The following NECAB2 variants were observed in gnomAD, a reference collection of about 807,000 sequenced individuals.
NECAB2 encodes N-terminal EF-hand calcium binding protein 2, also known as N-terminal EF-hand calcium-binding protein 2.
A neutral mutation model predicts 51.9 loss-of-function variants in NECAB2; 68 were observed. That is an observed-to-expected ratio of 1.31 (90% CI 1.08 to 1.60). NECAB2 has a LOEUF of 1.60. Ranked by LOEUF, NECAB2 falls within the 40% of genes most tolerant of loss-of-function variation. The pLI, the probability that NECAB2 is intolerant of heterozygous loss-of-function variation, is 0.00. For missense variants in NECAB2, 854 were observed against 490.3 expected, an observed-to-expected ratio of 1.74 and a Z score of -7.00; for synonymous variants, 329 against 203.5, an observed-to-expected ratio of 1.62 and a Z score of -5.25.
At chr16:83,998,595 C>T (rs1348978847) in intron 10 of NECAB2, among the ~76,000 whole-genome samples, 1 of 152,182 alleles carries the variant, frequency 6.6e-6, no homozygotes, top group Non-Finnish European at 1.5e-5. Context: ...AGTGCATATA[C>T]AATCAAGTGT....
At chr16:83,982,759 G>A (rs1411997608) in intron 5 of NECAB2, among the ~76,000 whole-genome samples, 1 of 152,204 alleles carries the variant, frequency 6.6e-6, no homozygotes, top group African/African-American at 2.4e-5. Context: ...TGGAAGTCAT[G>A]TGCGTATGAT....
At chr16:83,995,602 C>T (rs959922402) in intron 8 of NECAB2, among the ~76,000 whole-genome samples, 1 of 152,206 alleles carries the variant, frequency 6.6e-6, no homozygotes, top group Admixed American at 6.5e-5. Context: ...TAACTGAGCT[C>T]TCAGAACCCT....
Position 83,998,208 on chromosome 16 carries a change from C to T in NECAB2, c.853C>T (p.Leu285=). 1.2e-6 allele frequency: 2 copies of T among 1,609,196 alleles called. No homozygotes were observed. The highest frequency in any genetic ancestry group is 2.2e-5 in the East Asian group (1 of 44,862). ...TGACTCCTGCTGTGCCCGGCAGCACCTGCAGCTGGTCCGGCAGGAGATGGC... is the reference window on the plus strand; with the variant it reads ...TGACTCCTGCTGTGCCCGGCAGCACTTGCAGCTGGTCCGGCAGGAGATGGC... ...LSDEDGTNMH[L]QLVRQEMAVC... Residue 285 remains leucine (L), a synonymous_variant, in exon 10 of 13, where the codon CTG becomes TTG. Transcript: ENST00000305202.
upstream of NECAB2, chr16:83,965,643 G>T (rs760509988): frequency 2.5e-6 from 4 of 1,613,382 alleles, no homozygotes; most frequent in South Asian, 2.2e-5. Context: ...CCCTATGAGG[G>T]TTACCGCAGC....
chr16:83,970,087 A>T (rs2068274480), intron 1 of NECAB2, among the ~76,000 whole-genome samples: 1 of 152,168 alleles, frequency 6.6e-6, no homozygotes, highest in Non-Finnish European at 1.5e-5. Context: ...CAGAGCTCCC[A>T]CTGAAAGTCC....
chr16:83,967,470 ATGGGAGGGAGGGGGG>A, upstream of NECAB2, among the ~76,000 whole-genome samples: 1 of 5,008 alleles, frequency 2.0e-4, no homozygotes, highest in Non-Finnish European at 3.8e-4. Context: ...GGATGGATGG[ATGGGAGGGAGGGGGG>A]TGGGTGGGTG....
intron 6 of NECAB2, among the ~76,000 whole-genome samples, chr16:83,993,792 G>A (rs1375435383): frequency 6.6e-6 from 1 of 152,114 alleles, no homozygotes; most frequent in Admixed American, 6.5e-5. Flanking sequence ...CAGGATCACA[G>A]TTTCTGTCCT....
chr16:83,974,413 T>G (rs1398548773), intron 2 of NECAB2, among the ~76,000 whole-genome samples: 2 of 152,192 alleles, frequency 1.3e-5, no homozygotes, highest in Non-Finnish European at 2.9e-5. Context: ...AAGTCCCCGC[T>G]GCTCTGCCTC....
intron 6 of NECAB2, among the ~76,000 whole-genome samples, chr16:83,993,815 C>T (rs1334380355): frequency 6.6e-6 from 1 of 152,148 alleles, no homozygotes; most frequent in Non-Finnish European, 1.5e-5. Context: ...TACATCCCGA[C>T]TGTCAGTGTC....
chr16:84,000,199 G>C (rs1366344285), intron 10 of NECAB2, among the ~76,000 whole-genome samples: 3 of 152,176 alleles, frequency 2.0e-5, no homozygotes, highest in Non-Finnish European at 4.4e-5. Context: ...ATCACATCCA[G>C]CCACCTGGTT....
At position 84,000,667 on chromosome 16, in the gene NECAB2, ACTGAGGTGGCCTTGGTTGAGCTCCAGC is replaced by A. The variant is rs1341028178; in HGVS notation, c.963-54_963-28del. On this transcript the variant is annotated intron_variant, in intron 10 of 12. Transcript: ENST00000305202. Reference sequence around the variant, plus strand: ...TCTCAGGCCACCCCAGGGGAACAGCACTGAGGTGGCCTTGGTTGAGCTCCAGCCTCCTCCCCCCGACCATCTCCTGTT... The same window carrying A: ...TCTCAGGCCACCCCAGGGGAACAGCACTCCTCCCCCCGACCATCTCCTGTT... 6 of 1,493,920 alleles carry A rather than the reference ACTGAGGTGGCCTTGGTTGAGCTCCAGC, an allele frequency of 4.0e-6. No individual in the cohort carries two copies. In the African/African-American group the frequency reaches 8.2e-5, roughly 21 times the overall value. The allele number at this position is 1,493,920 out of a possible 1,614,324, so 92.5% of individuals were successfully genotyped here.
intron 10 of NECAB2, among the ~76,000 whole-genome samples, chr16:83,998,801 T>TCTCCCACTC (rs1555549550): frequency 2.6e-5 from 4 of 151,706 alleles, no homozygotes; most frequent in African/African-American, 7.3e-5. Flanking sequence ...TAGTTGCCCT[T>TCTCCCACTC]CTCCCCCTGA....
chr16:83,991,162 T>C lies in NECAB2; in HGVS notation c.596+532T>C, dbSNP rs547795786. 1.3e-4 allele frequency among the ~76,000 whole-genome samples: 20 copies of C among 152,090 alleles called. No homozygotes were observed. The East Asian group carries it at 3.5e-3, about 27-fold the overall frequency. On this transcript the variant is annotated intron_variant, in intron 6 of 12. Transcript: ENST00000305202. Reference sequence around the variant, plus strand: ...CATGCCTGGCTGATTTTTGTATTTTTAGTAGAGACGGGGTTTTGTCATGTT... The same window carrying C: ...CATGCCTGGCTGATTTTTGTATTTTCAGTAGAGACGGGGTTTTGTCATGTT...
At chr16:83,993,689 G>A (rs1355351597) in intron 6 of NECAB2, 4 of 152,032 alleles carry the variant, frequency 2.6e-5, no homozygotes, top group Non-Finnish European at 5.6e-5. Context: ...CCTGTGGCTA[G>A]CTGTGCCTGT....
intron 2 of NECAB2, among the ~76,000 whole-genome samples, chr16:83,972,944 C>T (rs2151084857): frequency 6.6e-6 from 1 of 152,316 alleles, no homozygotes; most frequent in Admixed American, 6.5e-5. Flanking sequence ...CGCAACTCAC[C>T]GTGGACTTGA....
At chr16:83,990,728 TG>T in intron 6 of NECAB2, 98 bp downstream of exon 6, 1 of 1,488,806 alleles carries the variant, frequency 6.7e-7, no homozygotes, top group Non-Finnish European at 9.0e-7. Context: ...ACCTAAGAGC[TG>T]GGTGACCTTG....
At chr16:83,973,083 A>G (rs890778499) in intron 2 of NECAB2, among the ~76,000 whole-genome samples, 1 of 152,190 alleles carries the variant, frequency 6.6e-6, no homozygotes, top group African/African-American at 2.4e-5. Context: ...AAATGTTTTT[A>G]AAGAGAATCG....
chr16:84,002,237 T>C, intron 12 of NECAB2, 81 bp from the exon 13 acceptor site: 1 of 1,531,320 alleles, frequency 6.5e-7, no homozygotes, highest in Admixed American at 1.7e-5. Flanking sequence ...TCCCCCGACC[T>C]GTCATTCAAG....
chr16:83,989,083 AT>A (rs1463090585), intron 5 of NECAB2, among the ~76,000 whole-genome samples: 1 of 152,086 alleles, frequency 6.6e-6, no homozygotes. Context: ...ACTTCAGCCC[AT>A]TTTTCTGCTG....
Sources: allele counts gnomAD v4.1 joint callset (sites outside exome capture counted in the v4.1 genomes callset), GRCh38; gene constraint gnomAD v4.1.1; transcripts MANE v1.5; gene names NCBI Gene and HGNC (gene_info 2026-07-23, HGNC 2026-07-21).